Variants in MX2 observed in about 807,000 individuals in gnomAD.
MX2 encodes interferon-induced GTP-binding protein Mx2.
In MX2, 51 loss-of-function variants were observed where a neutral mutation model predicts 74.0. That is an observed-to-expected ratio of 0.69 (90% CI 0.55 to 0.87). MX2 has a LOEUF of 0.87. MX2 is among the 40% of genes least tolerant of loss of function. The pLI, the probability that MX2 is intolerant of heterozygous loss-of-function variation, is 0.00. For missense variants in MX2, 832 were observed against 908.7 expected (o/e 0.92, Z 1.09); for synonymous variants, 369 against 339.3 (o/e 1.09, Z -0.96).
chr21:41,386,999 A>G (rs1009988973), intron 5 of MX2, among the ~76,000 whole-genome samples: 1 of 126,530 alleles, frequency 7.9e-6, no homozygotes, highest in African/African-American at 3.1e-5. Flanking sequence ...AAAACAGAAC[A>G]ACAACAACAA....
intron 3 of MX2, among the ~76,000 whole-genome samples, chr21:41,378,788 G>A (rs1010974409): frequency 6.6e-6 from 1 of 152,182 alleles, no homozygotes; most frequent in African/African-American, 2.4e-5. Context: ...GACAGGAAGG[G>A]GAGCAGCTTC....
chr21:41,366,431 C>A lies in MX2; in HGVS notation c.-72+4376C>A, dbSNP rs2089266455. 6.6e-6 allele frequency: 1 copy of A among 152,314 alleles called. No homozygotes were observed. Among genetic ancestry groups the A allele is most frequent in the African/African-American group, 2.4e-5 (1 of 41,466 alleles). 9.4% of individuals were successfully genotyped at this position (152,314 alleles called of 1,614,324 possible). A position where few individuals can be genotyped will look rare whatever the true frequency, so the allele number is the denominator to read the frequency against. ...CAGTGGCTCACGCCTGTAATCCCAA[C>A]ACTTTGGGAGGCCAAGTCGGGTGGA... On this transcript the variant is annotated intron_variant, in intron 1 of 13. Coordinates refer to ENST00000330714, the MANE Select transcript of MX2 (RefSeq NM_002463.2). This position sits in a 1 kb window ranked among gnomAD's most constrained non-coding sequence, Gnocchi z 4.5.
rs868660060 is a variant in MX2 at position 41,394,795 on chromosome 21, G to A, written c.872-792G>A. The stretch of plus-strand genomic sequence containing the variant: ...ATCTCTACTAAAAATACAAAAATTA[G>A]CTGGGCGTGGTAGCACATGCCTGTA... On this transcript the variant is annotated intron_variant, in intron 6 of 13. Transcript: ENST00000330714. 2.6e-5 allele frequency among the ~76,000 whole-genome samples: 4 copies of A among 152,054 alleles called. No homozygotes were observed. In the East Asian group the frequency reaches 7.8e-4, roughly 30 times the overall value.
rs780235851 is a variant in MX2, at chr21:41,376,978, A to G, written c.72A>G (p.Lys24=). Reference sequence around the variant, plus strand: ...TTTCTTCTCGAAAATACCTGAAAAAAGAAATGAATTCCTTCCAGCAACAGC... The same window carrying G: ...TTTCTTCTCGAAAATACCTGAAAAAGGAAATGAATTCCTTCCAGCAACAGC... ...SQFSSRKYLK[K]EMNSFQQQPP... is the part of the protein sequence containing the mutation. Residue 24 remains lysine, a synonymous_variant, in exon 2 of 14, where the codon AAA becomes AAG. Coordinates refer to ENST00000330714, the MANE Select transcript of MX2 (RefSeq NM_002463.2). 26 of 1,614,048 alleles carry G rather than the reference A, an allele frequency of 1.6e-5. No homozygotes were observed. In the South Asian group the frequency reaches 2.1e-4, roughly 13 times the overall value.
rs1257743027 is a variant in MX2 at position 41,398,799 on chromosome 21, T to C, written c.1150-98T>C. 3 of 1,502,778 alleles carry C rather than the reference T, an allele frequency of 2.0e-6. No individual in the cohort carries two copies. The African/African-American group carries it at 4.2e-5, about 21-fold the overall frequency. 93.1% of individuals were successfully genotyped at this position (1,502,778 alleles called of 1,614,324 possible). On this transcript the variant is annotated intron_variant, in intron 8 of 13. Coordinates refer to ENST00000330714, the MANE Select transcript of MX2 (RefSeq NM_002463.2). ...GCAGGTGGGTCAAAAATTCCAGATC[T>C]TCCTGGATGCTTTAAAGGGCTCCTA...
In MX2 at chr21:41,371,283, T is replaced by C. The variant is rs532114583; in HGVS notation, c.-71-5553T>C. Among the ~76,000 whole-genome samples, 96 of 152,266 alleles carry C rather than the reference T, an allele frequency of 6.3e-4. 1 individual carries two copies. The South Asian group carries it at 6.6e-3, about 11-fold the overall frequency. On this transcript the variant is annotated intron_variant, in intron 1 of 13. Coordinates refer to ENST00000330714, the MANE Select transcript of MX2 (RefSeq NM_002463.2). ...TGGAGGCTTTTGTGGTTAGTGTTGGTTTGAGGTCATTTGAGCTGATCCATT... is the reference window on the plus strand; with the variant it reads ...TGGAGGCTTTTGTGGTTAGTGTTGGCTTGAGGTCATTTGAGCTGATCCATT...
At chr21:41,381,165 T>C (rs1353977823) in intron 4 of MX2, among the ~76,000 whole-genome samples, 1 of 152,326 alleles carries the variant, frequency 6.6e-6, no homozygotes, top group East Asian at 1.9e-4. Context: ...CAGAAGCTGC[T>C]GGATACCCTC....
intron 3 of MX2, 29 bp from the exon 4 acceptor site, chr21:41,379,988 T>C (rs780771691): frequency 1.2e-6 from 2 of 1,611,930 alleles, no homozygotes; most frequent in African/African-American, 2.7e-5. Flanking sequence ...AAAAGGAAAC[T>C]GAGGATATTT....
chr21:41,398,886 G>A lies in MX2; in HGVS notation c.1150-11G>A. On this transcript the variant is annotated splice_polypyrimidine_tract_variant and intron_variant, in intron 8 of 13. Coordinates refer to ENST00000330714, the MANE Select transcript of MX2 (RefSeq NM_002463.2). ...AGCCGCAGTTTGATTGTTTGCAATT[G>A]TTTTGTTTAGAAATCGCTCCCGTTG... 3 of 1,610,756 alleles carry A rather than the reference G, an allele frequency of 1.9e-6. No homozygotes were observed. The highest frequency in any genetic ancestry group is 1.7e-6 in the Non-Finnish European group (2 of 1,177,578).
Position 41,402,061 on chromosome 21 carries a change from G to T in MX2, c.1506G>T (p.Glu502Asp), listed in dbSNP as rs780422069. 2 of 1,614,168 alleles carry T rather than the reference G, an allele frequency of 1.2e-6. No individual in the cohort carries two copies. The highest frequency in any genetic ancestry group is 4.5e-5 in the East Asian group (2 of 44,882). ...GATTTGTCAACTACAAGACATTTGA[G>T]ATCATCGTGCATCAGTACATCCAGC... Reference protein sequence around the residue: ...LLGFVNYKTFEIIVHQYIQQL... With the variant: ...LLGFVNYKTFDIIVHQYIQQL... Residue 502 changes from glutamate to aspartate, a missense_variant, in exon 11 of 14, where the codon GAG (glutamate) becomes GAT (aspartate). Transcript: ENST00000330714. The surrounding 1 kb of genome is among the most constrained non-coding windows in gnomAD (Gnocchi z 4.5).
At chr21:41,404,887 A>G (rs890381491) in intron 12 of MX2, 12 of 150,876 alleles carry the variant, frequency 8.0e-5, no homozygotes, top group African/African-American at 2.4e-4. Flanking sequence ...AAAAAAAAAA[A>G]AAAAGAAAAA....
intron 1 of MX2, among the ~76,000 whole-genome samples, chr21:41,375,534 G>A (rs898837871): frequency 2.0e-5 from 3 of 152,226 alleles, no homozygotes. Context: ...TGTGGCAGAG[G>A]CCTTGGCATT....
chr21:41,387,091 A>G lies in MX2; in HGVS notation c.733-3474A>G, dbSNP rs80043717. Among the ~76,000 whole-genome samples, 801 of 152,284 alleles carry G rather than the reference A, an allele frequency of 5.3e-3. 1 individual carries two copies. Among genetic ancestry groups the G allele is most frequent in the Non-Finnish European group, 8.7e-3 (590 of 68,022 alleles). ...TCGTGTGCCTTTCTGGAGTCCCACCACGCTTTCCCTTCGTATTTTTGTGTC... is the reference window on the plus strand; with the variant it reads ...TCGTGTGCCTTTCTGGAGTCCCACCGCGCTTTCCCTTCGTATTTTTGTGTC... On this transcript the variant is annotated intron_variant, in intron 5 of 13. Coordinates refer to ENST00000330714, the MANE Select transcript of MX2 (RefSeq NM_002463.2).
At chr21:41,400,779 T>A (rs564579313) in intron 10 of MX2, 1 of 151,982 alleles carries the variant, frequency 6.6e-6, no homozygotes, top group Non-Finnish European at 1.5e-5. Context: ...TGATCTCGGC[T>A]CACTGCAACC....
chr21:41,399,304 T>C lies in MX2; in HGVS notation c.1381T>C (p.Trp461Arg). The change falls in exon 10 of 14, where the codon TGG becomes CGG. Residue 461 changes from tryptophan to arginine, a missense_variant. Physicochemically the swap from Trp to Arg is moderately radical, Grantham distance 101. Coordinates refer to ENST00000330714, the MANE Select transcript of MX2 (RefSeq NM_002463.2). ...YNKIREDFKN[W>R]VGILATNTQK... ...CAAAATCAGAGAGGATTTTAAAAACTGGGTAGGCATACTTGCAACTAATAC... is the reference window on the plus strand; with the variant it reads ...CAAAATCAGAGAGGATTTTAAAAACCGGGTAGGCATACTTGCAACTAATAC... 6.2e-7 allele frequency: 1 copy of C among 1,614,116 alleles called. No individual in the cohort carries two copies. The highest frequency in any genetic ancestry group is 8.5e-7 in the Non-Finnish European group (1 of 1,180,002).
intron 12 of MX2, chr21:41,403,655 A>C (rs533192651): frequency 6.4e-5 from 38 of 595,750 alleles, no homozygotes; most frequent in Admixed American, 9.6e-5. Flanking sequence ...AATCTTTTTC[A>C]AGCATAAAGC....
At position 41,390,613 on chromosome 21, in the gene MX2, TTGGTGG is replaced by T. The variant is rs1169584463; in HGVS notation, c.786_791del (p.Val263_Val264del). The T allele has an allele frequency of 6.2e-7, 1 of 1,614,190 alleles. No individual in the cohort carries two copies. The highest frequency in any genetic ancestry group is 8.5e-7 in the Non-Finnish European group (1 of 1,180,018). ...CATCCAGAGGCAGCAGACGATCAAC[TTGGTGG>T]TGGTTCCCTGTAACGTGGACATTGC... is the stretch of plus-strand genomic sequence containing the variant. On this transcript the variant is annotated inframe_deletion, in exon 6 of 14. Coordinates refer to ENST00000330714, the MANE Select transcript of MX2 (RefSeq NM_002463.2).
chr21:41,382,659 C>T, intron 5 of MX2, 95 bp downstream of exon 5: 1 of 1,501,072 alleles, frequency 6.7e-7, no homozygotes, highest in South Asian at 1.2e-5. Flanking sequence ...AGCCTTTACA[C>T]TGAGGGATGA....
chr21:41,382,779 G>T (rs986730304), intron 5 of MX2, among the ~76,000 whole-genome samples: 3 of 152,238 alleles, frequency 2.0e-5, no homozygotes, highest in African/African-American at 7.2e-5. Flanking sequence ...GGACTGGCAG[G>T]CATTTGGGAT....
Sources: allele counts gnomAD v4.1 joint callset (sites outside exome capture counted in the v4.1 genomes callset), GRCh38; gene constraint gnomAD v4.1.1; non-coding constraint Gnocchi (gnomAD v3.1); transcripts MANE v1.5; gene names NCBI Gene and HGNC (gene_info 2026-07-23, HGNC 2026-07-21).